Variants in CTSO observed in about 807,000 individuals in gnomAD.
The protein encoded by CTSO is cathepsin O.
CTSO carries 40 observed loss-of-function variants against 42.4 expected under a neutral mutation model. The observed-to-expected ratio is 0.94, with a 90% CI of 0.73 to 1.23. The LOEUF is 1.23. Among genes scored for constraint, CTSO ranks in the 50% most tolerant of loss-of-function variants. CTSO has a pLI of 0.00. For synonymous variants in CTSO, 156 were observed against 146.2 expected, an observed-to-expected ratio of 1.07 and a Z score of -0.48; for missense variants, 441 against 396.0, an observed-to-expected ratio of 1.11 and a Z score of -0.96.
In CTSO at chr4:155,929,608, T is replaced by A. The variant is rs1223838339; in HGVS notation, c.772A>T (p.Ile258Leu). The A allele has an allele frequency of 3.7e-6, 6 of 1,613,988 alleles. No homozygotes were observed. ...TCTCCACTAGAGCAGTGATGCTGTA[T>A]AATGCCTCCCAGATAATCTTGCCAG... ...VSWQDYLGGI[I>L]QHHCSSGEAN... Residue 258 changes from isoleucine (I) to leucine (L), a missense_variant, in exon 6 of 8, where the codon ATA (isoleucine) becomes TTA (leucine). Physicochemically the swap from Ile to Leu is conservative, Grantham distance 5. Coordinates refer to ENST00000433477, the MANE Select transcript of CTSO (RefSeq NM_001334.3).
At chr4:155,936,486 G>T (rs982651156) in intron 5 of CTSO, among the ~76,000 whole-genome samples, 2 of 152,136 alleles carry the variant, frequency 1.3e-5, no homozygotes, top group Non-Finnish European at 2.9e-5. Context: ...ATTTAATTTA[G>T]TTCCTGTTTT....
intron 5 of CTSO, among the ~76,000 whole-genome samples, chr4:155,934,172 G>A (rs569034247): frequency 2.6e-5 from 4 of 152,338 alleles, no homozygotes; most frequent in Admixed American, 1.3e-4. Flanking sequence ...TGTCTCAGAT[G>A]CTCCAGCCAT....
rs1294656597 is a variant in CTSO, at chr4:155,942,440, G to C, written c.261C>G (p.Ser87Arg). The change falls in exon 3 of 8, where the codon AGC becomes AGG. Residue 87 changes from serine (S) to arginine (R), a missense_variant. By Grantham distance (110) the Ser-to-Arg change is moderately radical. Transcript: ENST00000433477. Reference sequence around the variant, plus strand: ...AGTATCTGGGAAACTTGGAAGGTTTGCTTCTTAAATAAATGGCTGAGTAGA... The same window carrying C: ...AGTATCTGGGAAACTTGGAAGGTTTCCTTCTTAAATAAATGGCTGAGTAGA... ...PEEFKAIYLR[S>R]KPSKFPRYSA... The C allele has an allele frequency of 2.6e-6, 4 of 1,536,018 alleles. No homozygotes were observed. The Admixed American group carries it at 5.8e-5, about 22-fold the overall frequency.
chr4:155,936,068 T>C (rs1743324661), intron 5 of CTSO, among the ~76,000 whole-genome samples: 1 of 152,210 alleles, frequency 6.6e-6, no homozygotes, highest in African/African-American at 2.4e-5. Context: ...AGTTTTTTCT[T>C]GTACACATCC....
At chr4:155,931,567 T>C (rs1579339826) in intron 5 of CTSO, among the ~76,000 whole-genome samples, 1 of 152,292 alleles carries the variant, frequency 6.6e-6, no homozygotes, top group South Asian at 2.1e-4. Context: ...TGAGTGGCAT[T>C]GCTATCATTT....
intron 4 of CTSO, among the ~76,000 whole-genome samples, chr4:155,937,831 G>A (rs531598610): frequency 1.1e-4 from 17 of 152,196 alleles, no homozygotes; most frequent in Non-Finnish European, 2.1e-4. Flanking sequence ...GCCCAGGCTG[G>A]TCTTAAACTC....
At chr4:155,929,484 C>A (rs1361824730) in intron 6 of CTSO, 58 bp downstream of exon 6, 3 of 1,531,438 alleles carry the variant, frequency 2.0e-6, no homozygotes, top group Non-Finnish European at 8.8e-7. Flanking sequence ...GTATGGTGAT[C>A]ATTTTGCACT....
intron 3 of CTSO, among the ~76,000 whole-genome samples, chr4:155,940,934 A>AT (rs1423672075): frequency 6.6e-6 from 1 of 152,184 alleles, no homozygotes; most frequent in African/African-American, 2.4e-5. Context: ...GCTTAAAAAA[A>AT]AAAAAAAGTC....
chr4:155,928,406 C>T lies in CTSO; in HGVS notation c.861G>A (p.Val287=), dbSNP rs1743168613. 6.8e-6 allele frequency: 11 copies of T among 1,612,928 alleles called. No homozygotes were observed. The East Asian group carries it at 2.5e-4, about 36-fold the overall frequency. Residue 287 remains valine (V), a synonymous_variant, in exon 7 of 8, where the codon GTG becomes GTA. Transcript: ENST00000433477. ...DKTGSTPYWI[V]RNSWGSSWGV... is the part of the protein sequence containing the mutation. The stretch of plus-strand genomic sequence containing the variant: ...CCCAAGAACTTCCCCAGGAATTCCG[C>T]ACAATCCAATATGGAGTGCTTCCTA...
At chr4:155,936,773 T>C (rs1297720782) in intron 5 of CTSO, among the ~76,000 whole-genome samples, 2 of 152,236 alleles carry the variant, frequency 1.3e-5, no homozygotes, top group Non-Finnish European at 2.9e-5. Flanking sequence ...ATTCCCATCA[T>C]GCTTATAGTG....
At chr4:155,936,998 C>T (rs1743342225) in intron 5 of CTSO, among the ~76,000 whole-genome samples, 1 of 151,916 alleles carries the variant, frequency 6.6e-6, no homozygotes, top group African/African-American at 2.4e-5. Flanking sequence ...TTGAAATATG[C>T]TAATGGTAAT....
chr4:155,939,432 G>A lies in CTSO; in HGVS notation c.491C>T (p.Ser164Leu), dbSNP rs755173766. The A allele has an allele frequency of 1.5e-5, 24 of 1,614,010 alleles. No individual in the cohort carries two copies. The highest frequency in any genetic ancestry group is 8.8e-5 in the South Asian group (8 of 91,062). ...TCCATTGCAGCCATAATTATTATAC[G>A]AACAGTCAATGACCTGCTGGACACT... ...DLSVQQVIDC[S>L]YNNYGCNGGS... The change falls in exon 4 of 8, where the codon TCG becomes TTG. Residue 164 changes from serine to leucine, a missense_variant. Physicochemically the swap from Ser to Leu is moderately radical, Grantham distance 145. Coordinates refer to ENST00000433477, the MANE Select transcript of CTSO (RefSeq NM_001334.3).
intron 6 of CTSO, among the ~76,000 whole-genome samples, 166 bp from the exon 7 acceptor site, chr4:155,928,594 A>G (rs1295610607): frequency 6.6e-6 from 1 of 152,210 alleles, no homozygotes; most frequent in African/African-American, 2.4e-5. Flanking sequence ...AACTAAGTAA[A>G]CCTGAGCAGT....
intron 5 of CTSO, among the ~76,000 whole-genome samples, chr4:155,933,330 C>T (rs551744675): frequency 3.9e-4 from 59 of 152,208 alleles, no homozygotes; most frequent in South Asian, 8.3e-4. Flanking sequence ...TTTCTCCTCC[C>T]GCCATGATTC....
intron 3 of CTSO, 61 bp from the exon 4 acceptor site, chr4:155,939,599 C>T (rs1424250190): frequency 2.4e-5 from 34 of 1,413,000 alleles, no homozygotes; most frequent in Non-Finnish European, 3.1e-5. Flanking sequence ...ACCAACATCT[C>T]TAAATGTAAC....
At chr4:155,948,856 A>T (rs1743594155) in intron 1 of CTSO, among the ~76,000 whole-genome samples, 1 of 152,170 alleles carries the variant, frequency 6.6e-6, no homozygotes, top group Non-Finnish European at 1.5e-5. Context: ...GTAGAAACCC[A>T]AGGAGGGTGA....
chr4:155,953,610 C>T lies in CTSO; in HGVS notation c.135+103G>A, dbSNP rs931890462. The T allele has an allele frequency of 7.4e-6, 9 of 1,213,746 alleles. No homozygotes were observed. In the African/African-American group the frequency reaches 1.1e-4, roughly 15 times the overall value. 75.2% of individuals were successfully genotyped at this position (1,213,746 alleles called of 1,614,324 possible). ...CAGACGCATCGCAGAGCCACGGGTG[C>T]CCACGAGCAGGGTCAGCTCTCGGGG... is the stretch of plus-strand genomic sequence containing the variant. On this transcript the variant is annotated intron_variant, in intron 1 of 7. Transcript: ENST00000433477.
At chr4:155,942,230 G>A (rs557866798) in intron 3 of CTSO, 87 bp downstream of exon 3, 6 of 1,095,968 alleles carry the variant, frequency 5.5e-6, no homozygotes, top group Non-Finnish European at 7.4e-6. Flanking sequence ...GAGAAATGAT[G>A]TTTCCATTAC....
At chr4:155,952,435 T>C in intron 1 of CTSO, among the ~76,000 whole-genome samples, 1 of 152,170 alleles carries the variant, frequency 6.6e-6, no homozygotes. Flanking sequence ...AGCCTGACAG[T>C]GTGTTTATTT....
Sources: allele counts gnomAD v4.1 joint callset (sites outside exome capture counted in the v4.1 genomes callset), GRCh38; gene constraint gnomAD v4.1.1; transcripts MANE v1.5; gene names NCBI Gene and HGNC (gene_info 2026-07-23, HGNC 2026-07-21).